Variants in PTPRG observed in about 807,000 individuals in gnomAD.
PTPRG encodes protein tyrosine phosphatase receptor type G.
In PTPRG, 102 loss-of-function variants were observed where a neutral mutation model predicts 165.3. That is an observed-to-expected ratio of 0.62 (90% CI 0.53 to 0.73). PTPRG has a LOEUF of 0.73. Among genes scored for constraint, PTPRG ranks in the 30% least tolerant of loss-of-function variants. PTPRG has a pLI of 0.00. For synonymous variants in PTPRG, 675 were observed against 669.5 expected, an observed-to-expected ratio of 1.01 and a Z score of -0.13; for missense variants, 1,866 against 1,861.4, an observed-to-expected ratio of 1.00 and a Z score of -0.05.
At chr3:62,000,340 G>A (rs1260915598) in intron 3 of PTPRG, among the ~76,000 whole-genome samples, 1 of 150,298 alleles carries the variant, frequency 6.7e-6, no homozygotes. Flanking sequence ...GTATCTTATT[G>A]CTGTTTCTGC....
At chr3:61,887,919 C>T (rs1375067648) in intron 2 of PTPRG, among the ~76,000 whole-genome samples, 1 of 152,038 alleles carries the variant, frequency 6.6e-6, no homozygotes, top group Non-Finnish European at 1.5e-5. Flanking sequence ...ACAGGGACAA[C>T]GTTATAGATT....
intron 4 of PTPRG, among the ~76,000 whole-genome samples, chr3:62,054,954 G>C (rs1700586885): frequency 6.6e-6 from 1 of 152,180 alleles, no homozygotes; most frequent in Admixed American, 6.6e-5. Context: ...ATGGGTCAGG[G>C]GAGCGATTGC....
chr3:62,196,504 GAT>G (rs1559635189), intron 10 of PTPRG, among the ~76,000 whole-genome samples: 1 of 152,174 alleles, frequency 6.6e-6, no homozygotes. Flanking sequence ...AGTAGAGATA[GAT>G]ACACTCTGTC....
chr3:62,277,083 C>CTA, intron 25 of PTPRG, 35 bp downstream of exon 25: 1 of 1,556,630 alleles, frequency 6.4e-7, no homozygotes. Flanking sequence ...ATAAAGTCAA[C>CTA]TAAACTGAAA....
chr3:61,887,120 ATG>A (rs1491405056), intron 2 of PTPRG, among the ~76,000 whole-genome samples: 3 of 40,854 alleles, frequency 7.3e-5, no homozygotes, highest in South Asian at 7.9e-4. Flanking sequence ...TAACCATAGC[ATG>A]CATATATATA....
chr3:62,258,036 G>C (rs1241884451), intron 16 of PTPRG, among the ~76,000 whole-genome samples: 2 of 152,100 alleles, frequency 1.3e-5, no homozygotes, highest in Admixed American at 6.6e-5. Context: ...AAGGAAGCTT[G>C]CAAGTGACTA....
At chr3:61,647,665 A>G (rs896186949) in intron 1 of PTPRG, among the ~76,000 whole-genome samples, 1 of 151,924 alleles carries the variant, frequency 6.6e-6, no homozygotes, top group Non-Finnish European at 1.5e-5. Flanking sequence ...GGTGGCAGGC[A>G]CCTGTAGTCC....
At chr3:61,919,411 G>A (rs1395916309) in intron 2 of PTPRG, among the ~76,000 whole-genome samples, 1 of 152,234 alleles carries the variant, frequency 6.6e-6, no homozygotes. Flanking sequence ...AATGCAGACA[G>A]TATCCATGTG....
In PTPRG at chr3:62,229,396, C is replaced by T. The variant is rs189505459; in HGVS notation, c.2289-1829C>T. On this transcript the variant is annotated intron_variant, in intron 13 of 29. Transcript: ENST00000474889. This position sits in a 1 kb window ranked among gnomAD's most constrained non-coding sequence, Gnocchi z 4.6. The stretch of plus-strand genomic sequence containing the variant: ...GAGAGCTGTCAGTTGTTATAGTAAC[C>T]GGCCCCCTGCTGTCGAATTGGCCCT... Among the ~76,000 whole-genome samples, 15 of 152,270 alleles carry T rather than the reference C, an allele frequency of 9.9e-5. No homozygotes were observed. The highest frequency in any genetic ancestry group is 3.9e-4 in the East Asian group (2 of 5,178).
At chr3:61,763,032 G>C (rs1173869983) in intron 2 of PTPRG, among the ~76,000 whole-genome samples, 1 of 152,094 alleles carries the variant, frequency 6.6e-6, no homozygotes, top group African/African-American at 2.4e-5. Flanking sequence ...CATGTAACAT[G>C]TTCTTCAAAG....
At chr3:61,754,387 A>T (rs1417320192) in intron 2 of PTPRG, among the ~76,000 whole-genome samples, 1 of 152,168 alleles carries the variant, frequency 6.6e-6, no homozygotes, top group African/African-American at 2.4e-5. Context: ...TCTTCATTAT[A>T]TGCCACCTCA....
At chr3:61,566,200 A>C (rs921158834) in intron 1 of PTPRG, among the ~76,000 whole-genome samples, 2 of 152,238 alleles carry the variant, frequency 1.3e-5, no homozygotes, top group African/African-American at 4.8e-5. Context: ...AAAAGTGACT[A>C]TTCCATAGTG....
intron 2 of PTPRG, among the ~76,000 whole-genome samples, chr3:61,787,274 A>G (rs1191271222): frequency 6.6e-6 from 1 of 152,184 alleles, no homozygotes; most frequent in African/African-American, 2.4e-5. Context: ...ATTTCCTGTA[A>G]ATGATTAAGG....
intron 1 of PTPRG, among the ~76,000 whole-genome samples, chr3:61,589,648 G>A (rs1403735593): frequency 2.6e-5 from 4 of 152,142 alleles, no homozygotes; most frequent in Non-Finnish European, 2.9e-5. Context: ...GTCAGTATGC[G>A]TAGCTCAGGC....
intron 2 of PTPRG, among the ~76,000 whole-genome samples, chr3:61,845,191 T>A (rs1360852847): frequency 6.6e-6 from 1 of 152,208 alleles, no homozygotes; most frequent in African/African-American, 2.4e-5. Flanking sequence ...TATTAGTGAT[T>A]TAAAAGGCAC....
At chr3:61,573,265 G>T (rs550486447) in intron 1 of PTPRG, among the ~76,000 whole-genome samples, 3 of 152,062 alleles carry the variant, frequency 2.0e-5, no homozygotes, top group East Asian at 1.9e-4. Context: ...GGGGGACAAG[G>T]GGGGGAAAGC....
intron 4 of PTPRG, among the ~76,000 whole-genome samples, chr3:62,062,005 A>G (rs1276640470): frequency 6.7e-6 from 1 of 149,406 alleles, no homozygotes; most frequent in Non-Finnish European, 1.5e-5. Flanking sequence ...TTTCGTTACA[A>G]TTTAGTATGG....
chr3:62,040,945 C>G (rs1700108479), intron 4 of PTPRG, among the ~76,000 whole-genome samples: 2 of 152,178 alleles, frequency 1.3e-5, no homozygotes, highest in African/African-American at 4.8e-5. Flanking sequence ...ACATGGGAGA[C>G]AGACATAGAG....
chr3:62,027,499 C>T (rs1312015336), intron 4 of PTPRG, among the ~76,000 whole-genome samples: 2 of 152,168 alleles, frequency 1.3e-5, no homozygotes, highest in Non-Finnish European at 2.9e-5. Flanking sequence ...CCAGTGTCTT[C>T]AGTGTTTGAG....
Sources: gnomAD v4.1 joint callset for allele counts (sites outside exome capture counted in the v4.1 genomes callset) on GRCh38, gnomAD v4.1.1 for gene constraint, Gnocchi (gnomAD v3.1) non-coding constraint, MANE v1.5 for transcripts, NCBI Gene and HGNC (gene_info 2026-07-23, HGNC 2026-07-21) for gene names.